RBM20: variants seen among roughly 807,000 people sequenced by gnomAD.
RBM20 encodes the protein RNA binding motif protein 20.
Under a neutral mutation model 110.1 loss-of-function variants are expected in RBM20, and 51 were observed. The observed-to-expected ratio is 0.46, with a 90% CI of 0.37 to 0.59. The LOEUF is 0.59. RBM20 is among the 20% of genes least tolerant of loss of function. The probability of loss-of-function intolerance (pLI) is 0.00; values close to 1 mark genes in which losing one functional copy is unlikely to be tolerated. For missense variants in RBM20, 1,512 were observed against 1,574.9 expected (o/e 0.96, Z 0.68); for synonymous variants, 589 against 618.2 (o/e 0.95, Z 0.70).
intron 1 of RBM20, among the ~76,000 whole-genome samples, chr10:110,746,589 A>C (rs1843783903): frequency 6.6e-6 from 1 of 152,200 alleles, no homozygotes; most frequent in Non-Finnish European, 1.5e-5. Context: ...CAAGGCCGGC[A>C]CCAAATTCCA....
chr10:110,706,949 C>G (rs896351977), intron 1 of RBM20, among the ~76,000 whole-genome samples: 1 of 152,150 alleles, frequency 6.6e-6, no homozygotes, highest in Admixed American at 6.5e-5. Context: ...TATTCTTATG[C>G]ATGACATAGC....
rs147237238 is a variant in RBM20, at chr10:110,732,138, G to A, written c.192-48663G>A. On this transcript the variant is annotated intron_variant, in intron 1 of 13. Transcript: ENST00000369519. ...CCTCCCCTGCTTTTTGCCTTTTCTC[G>A]AGAGTATTTCTTATACATAGCATCC... 3.9e-3 allele frequency among the ~76,000 whole-genome samples: 586 copies of A among 151,928 alleles called. 2 individuals carry two copies. The highest frequency in any genetic ancestry group is 6.3e-3 in the Non-Finnish European group (425 of 67,980).
chr10:110,803,382 A>T (rs547096802), intron 7 of RBM20, among the ~76,000 whole-genome samples: 2 of 152,210 alleles, frequency 1.3e-5, no homozygotes, highest in African/African-American at 4.8e-5. Flanking sequence ...GCTTATAGTC[A>T]CCCAGCCAAG....
At chr10:110,678,107 C>T (rs1385996604) in intron 1 of RBM20, among the ~76,000 whole-genome samples, 3 of 152,104 alleles carry the variant, frequency 2.0e-5, no homozygotes, top group Non-Finnish European at 4.4e-5. Context: ...AAAACATAAA[C>T]TGGGATAAAT....
At chr10:110,725,818 T>A (rs1843554148) in intron 1 of RBM20, among the ~76,000 whole-genome samples, 1 of 152,208 alleles carries the variant, frequency 6.6e-6, no homozygotes, top group Admixed American at 6.5e-5. Context: ...GTGGCGTGTG[T>A]ATAGGAAGCT....
intron 1 of RBM20, among the ~76,000 whole-genome samples, chr10:110,697,394 G>C (rs1361192159): frequency 1.3e-5 from 2 of 152,210 alleles, no homozygotes; most frequent in African/African-American, 4.8e-5. Context: ...ATATGGTTTT[G>C]TTTCTTAGTT....
chr10:110,723,308 G>T (rs1194595525), intron 1 of RBM20, among the ~76,000 whole-genome samples: 4 of 152,020 alleles, frequency 2.6e-5, no homozygotes, highest in East Asian at 1.9e-4. Context: ...ACCCCCAAAA[G>T]AAACTGCGTA....
At chr10:110,784,479 C>T (rs1428675142) in intron 4 of RBM20, 47 bp downstream of exon 4, 11 of 1,320,456 alleles carry the variant, frequency 8.3e-6, no homozygotes, top group Non-Finnish European at 1.2e-5. Context: ...AAGTGGGCTA[C>T]CCACAGGCAC....
chr10:110,770,191 G>T (rs981543427), intron 1 of RBM20, among the ~76,000 whole-genome samples: 1 of 152,086 alleles, frequency 6.6e-6, no homozygotes, highest in Admixed American at 6.5e-5. Flanking sequence ...GGTGGTGAGG[G>T]GTGGGCCCAG....
At position 110,706,468 on chromosome 10, in the gene RBM20, A is replaced by G. The variant is rs115249608; in HGVS notation, c.191+61823A>G. ...CAGTCACAGAGCTGCCTCCCTTTTCATTCTCTTTCTGATATCCGCCAGGAA... is the reference window on the plus strand; with the variant it reads ...CAGTCACAGAGCTGCCTCCCTTTTCGTTCTCTTTCTGATATCCGCCAGGAA... On this transcript the variant is annotated intron_variant, in intron 1 of 13. Transcript: ENST00000369519. 4.4e-3 allele frequency among the ~76,000 whole-genome samples: 667 copies of G among 152,302 alleles called. 6 individuals are homozygous for G. Among genetic ancestry groups the G allele is most frequent in the African/African-American group, 0.015 (627 of 41,566 alleles).
At chr10:110,726,458 C>T (rs1275657271) in intron 1 of RBM20, among the ~76,000 whole-genome samples, 1 of 152,202 alleles carries the variant, frequency 6.6e-6, no homozygotes, top group Non-Finnish European at 1.5e-5. Context: ...TATTACTCTG[C>T]ACCCAATGAG....
intron 7 of RBM20, among the ~76,000 whole-genome samples, chr10:110,802,607 A>G (rs996789631): frequency 2.6e-5 from 4 of 152,204 alleles, no homozygotes; most frequent in Non-Finnish European, 5.9e-5. Flanking sequence ...TTCTTAAATT[A>G]AAGTACCAAA....
chr10:110,749,851 G>A (rs753206246), intron 1 of RBM20, among the ~76,000 whole-genome samples: 8 of 151,884 alleles, frequency 5.3e-5, no homozygotes, highest in Non-Finnish European at 7.4e-5. Flanking sequence ...ATAAATCTCA[G>A]CTAAACCAGC....
At chr10:110,672,434 C>T (rs1258602159) in intron 1 of RBM20, among the ~76,000 whole-genome samples, 5 of 152,246 alleles carry the variant, frequency 3.3e-5, no homozygotes, top group Admixed American at 3.3e-4. Flanking sequence ...CACCCGGGAC[C>T]CTGCGTCCCC....
At chr10:110,790,085 C>T (rs1464326197) in intron 5 of RBM20, among the ~76,000 whole-genome samples, 1 of 152,142 alleles carries the variant, frequency 6.6e-6, no homozygotes, top group South Asian at 2.1e-4. Context: ...AGACCCTGCA[C>T]ATTGGGGAAC....
chr10:110,797,691 A>G (rs1590685931), intron 6 of RBM20, 43 bp downstream of exon 6: 1 of 1,522,332 alleles, frequency 6.6e-7, no homozygotes. Context: ...GCCACAGACC[A>G]CACATTAGTG....
chr10:110,759,287 T>A (rs1216293880), intron 1 of RBM20, among the ~76,000 whole-genome samples: 2 of 152,154 alleles, frequency 1.3e-5, no homozygotes, highest in Non-Finnish European at 2.9e-5. Context: ...AACTCCTCCA[T>A]CATCCTAGGG....
At chr10:110,769,099 C>A (rs1230033395) in intron 1 of RBM20, among the ~76,000 whole-genome samples, 1 of 152,168 alleles carries the variant, frequency 6.6e-6, no homozygotes, top group African/African-American at 2.4e-5. Flanking sequence ...CAATTGTTCT[C>A]CTGGGGAGCT....
At chr10:110,687,696 A>G (rs912415531) in intron 1 of RBM20, among the ~76,000 whole-genome samples, 3 of 152,224 alleles carry the variant, frequency 2.0e-5, no homozygotes, top group African/African-American at 7.2e-5. Flanking sequence ...GACCTTGGGC[A>G]AGTCACTTGA....
Sources: allele counts gnomAD v4.1 joint callset (sites outside exome capture counted in the v4.1 genomes callset), GRCh38; gene constraint gnomAD v4.1.1; transcripts MANE v1.5; gene names NCBI Gene and HGNC (gene_info 2026-07-23, HGNC 2026-07-21).